The following SNX25 variants were observed in gnomAD, a reference collection of about 807,000 sequenced individuals.
SNX25 encodes sorting nexin-25.
Under a neutral mutation model 113.7 loss-of-function variants are expected in SNX25, and 62 were observed. The ratio of observed to expected loss-of-function variants is 0.55; its 90% CI spans 0.44 to 0.67. The LOEUF (loss-of-function observed/expected upper bound fraction) is 0.67, where lower values mean the gene tolerates loss of function less well. Ranked by LOEUF, SNX25 falls within the 30% of genes least tolerant of loss-of-function variation. The probability of loss-of-function intolerance (pLI) is 0.00; values close to 1 mark genes in which losing one functional copy is unlikely to be tolerated. For missense variants in SNX25, 1,014 were observed against 1,161.0 expected, an observed-to-expected ratio of 0.87 and a Z score of 1.84; for synonymous variants, 421 against 436.2, an observed-to-expected ratio of 0.97 and a Z score of 0.43.
At chr4:185,310,879 C>T in intron 7 of SNX25, 63 bp downstream of exon 7, 1 of 1,449,532 alleles carries the variant, frequency 6.9e-7, no homozygotes, top group East Asian at 2.3e-5. Flanking sequence ...GATAGAACTA[C>T]ATATAAAGAC....
At chr4:185,305,202 G>A (rs146942010) in intron 6 of SNX25, among the ~76,000 whole-genome samples, 547 of 152,252 alleles carry the variant, frequency 3.6e-3, no homozygotes, top group African/African-American at 0.012. Flanking sequence ...GGCTAGGCAT[G>A]CTGCTAAACA....
At chr4:185,343,194 C>T (rs1008827516) in intron 12 of SNX25, among the ~76,000 whole-genome samples, 2 of 151,928 alleles carry the variant, frequency 1.3e-5, no homozygotes, top group African/African-American at 4.8e-5. Context: ...CCCAGCTGAC[C>T]TGGGATTTAT....
At chr4:185,242,767 TAGA>T (rs1744263598) in intron 1 of SNX25, among the ~76,000 whole-genome samples, 1 of 151,338 alleles carries the variant, frequency 6.6e-6, no homozygotes, top group Non-Finnish European at 1.5e-5. Context: ...CCCCTGAGAG[TAGA>T]AGGAGGGCAG....
intron 12 of SNX25, among the ~76,000 whole-genome samples, chr4:185,343,389 C>A (rs1304526878): frequency 1.3e-5 from 2 of 152,060 alleles, no homozygotes; most frequent in Non-Finnish European, 2.9e-5. Context: ...GTTTCATAGA[C>A]CTTTGGTTTC....
chr4:185,258,807 C>T (rs902127683), intron 2 of SNX25, 41 bp from the exon 3 acceptor site: 1 of 1,533,706 alleles, frequency 6.5e-7, no homozygotes, highest in African/African-American at 1.4e-5. Flanking sequence ...GTGTTTGCTT[C>T]TTTCATTTGT....
rs79809708 is a variant in SNX25 at position 185,309,140 on chromosome 4, T to C, written c.1163-1495T>C. Among the ~76,000 whole-genome samples the C allele has an allele frequency of 8.3e-3, 1,262 of 152,266 alleles. 12 individuals carry two copies. The highest frequency in any genetic ancestry group is 0.028 in the African/African-American group (1,169 of 41,552). ...TGCCTCATTGGTGCTGAATATGAGC[T>C]TGAGATCTCAGCCAGAGCTGTGGTT... On this transcript the variant is annotated intron_variant, in intron 6 of 18. Coordinates refer to ENST00000652585, the MANE Select transcript of SNX25 (RefSeq NM_001378034.2).
intron 5 of SNX25, among the ~76,000 whole-genome samples, chr4:185,267,373 C>G (rs1748264945): frequency 6.6e-6 from 1 of 151,950 alleles, no homozygotes; most frequent in Non-Finnish European, 1.5e-5. Context: ...ACAGTTGACT[C>G]GAACAATTTG....
In SNX25 at chr4:185,292,745, C is replaced by A. The variant is rs568785416; in HGVS notation, c.1162+4663C>A. On this transcript the variant is annotated intron_variant, in intron 6 of 18. Coordinates refer to ENST00000652585, the MANE Select transcript of SNX25 (RefSeq NM_001378034.2). ...GGCCAGCCTGGGCAACATAGCAAGACCTTGTCTCTACAAAAAAATTTTTAA... is the reference window on the plus strand; with the variant it reads ...GGCCAGCCTGGGCAACATAGCAAGAACTTGTCTCTACAAAAAAATTTTTAA... Among the ~76,000 whole-genome samples, 3 of 152,208 alleles carry A rather than the reference C, an allele frequency of 2.0e-5. No homozygotes were observed. The South Asian group carries it at 6.2e-4, about 32-fold the overall frequency.
chr4:185,349,022 C>G (rs139045020), intron 13 of SNX25, among the ~76,000 whole-genome samples: 114 of 152,208 alleles, frequency 7.5e-4, no homozygotes, highest in African/African-American at 2.6e-3. Context: ...CATGTTGTTG[C>G]AATTGACAGG....
At chr4:185,349,243 A>G (rs2095303695) in intron 13 of SNX25, among the ~76,000 whole-genome samples, 2 of 152,196 alleles carry the variant, frequency 1.3e-5, no homozygotes, top group Non-Finnish European at 2.9e-5. Context: ...ATTGGGCTGC[A>G]TGTAGCCCGC....
At chr4:185,217,252 T>G (rs35817629) in intron 1 of SNX25, among the ~76,000 whole-genome samples, 82 of 150,732 alleles carry the variant, frequency 5.4e-4, no homozygotes, top group Non-Finnish European at 1.1e-3. Context: ...GACTGTGTCT[T>G]GGGAAAAAAA....
intron 6 of SNX25, among the ~76,000 whole-genome samples, chr4:185,299,484 A>C (rs551856458): frequency 1.3e-5 from 2 of 152,252 alleles, no homozygotes; most frequent in East Asian, 1.9e-4. Flanking sequence ...GGTTCTGTAG[A>C]TCTCGAGTGC....
In SNX25 at chr4:185,271,262, C is replaced by T. The variant is rs150267280; in HGVS notation, c.1091+4107C>T. ...CTTGGAGGTATTTGGATTAGATAAT[C>T]GAGCTTGACAGGTGACTAGTCTATT... On this transcript the variant is annotated intron_variant, in intron 5 of 18. Coordinates refer to ENST00000652585, the MANE Select transcript of SNX25 (RefSeq NM_001378034.2). Among the ~76,000 whole-genome samples, 3 of 152,320 alleles carry T rather than the reference C, an allele frequency of 2.0e-5. No individual in the cohort carries two copies. In the East Asian group the frequency reaches 5.8e-4, roughly 29 times the overall value.
At chr4:185,292,478 A>G (rs181536412) in intron 6 of SNX25, among the ~76,000 whole-genome samples, 6 of 152,252 alleles carry the variant, frequency 3.9e-5, no homozygotes, top group Admixed American at 1.3e-4. Flanking sequence ...GGCTCACTGC[A>G]ACTTCCGCCT....
At chr4:185,345,213 T>C (rs1176569798) in intron 12 of SNX25, among the ~76,000 whole-genome samples, 1 of 152,196 alleles carries the variant, frequency 6.6e-6, no homozygotes, top group Non-Finnish European at 1.5e-5. Context: ...CTCTTACCCC[T>C]GCCCTTTCCT....
At chr4:185,344,543 A>G (rs565470613) in intron 12 of SNX25, among the ~76,000 whole-genome samples, 2 of 152,304 alleles carry the variant, frequency 1.3e-5, no homozygotes, top group Admixed American at 6.5e-5. Context: ...TGGGGAAAGA[A>G]AGGGAGTGGA....
intron 1 of SNX25, among the ~76,000 whole-genome samples, chr4:185,230,844 A>G (rs1741732503): frequency 6.6e-6 from 1 of 152,250 alleles, no homozygotes. Context: ...AATTAAGAAT[A>G]TAAGGGAATA....
At position 185,267,163 on chromosome 4, in the gene SNX25, G is replaced by T. The variant is rs1487516149; in HGVS notation, c.1091+8G>T. On this transcript the variant is annotated splice_region_variant and intron_variant, in intron 5 of 18. Coordinates refer to ENST00000652585, the MANE Select transcript of SNX25 (RefSeq NM_001378034.2). Reference sequence around the variant, plus strand: ...GTTCTTGAAGCAACTAAGGTATTTGGTCTTCAATTATAGCACAGCAACAGC... The same window carrying T: ...GTTCTTGAAGCAACTAAGGTATTTGTTCTTCAATTATAGCACAGCAACAGC... 29 of 1,610,846 alleles carry T rather than the reference G, an allele frequency of 1.8e-5. No homozygotes were observed. Among genetic ancestry groups the T allele is most frequent in the Non-Finnish European group, 2.4e-5 (28 of 1,178,892 alleles).
intron 5 of SNX25, among the ~76,000 whole-genome samples, chr4:185,268,027 T>C (rs915464787): frequency 2.6e-5 from 4 of 152,208 alleles, no homozygotes; most frequent in Non-Finnish European, 4.4e-5. Flanking sequence ...TTTGTCTTAC[T>C]GTCTCAGGTG....
Sources: gnomAD v4.1 joint callset for allele counts (sites outside exome capture counted in the v4.1 genomes callset) on GRCh38, gnomAD v4.1.1 for gene constraint, MANE v1.5 for transcripts, NCBI Gene and HGNC (gene_info 2026-07-23, HGNC 2026-07-21) for gene names.